Variants in PLA2G5 observed in about 807,000 individuals in gnomAD.
The protein encoded by PLA2G5 is Ca2+-dependent phospholipase A2.
Under a neutral mutation model 15.9 loss-of-function variants are expected in PLA2G5, and 12 were observed. That is an observed-to-expected ratio of 0.76 (90% CI 0.48 to 1.23). The LOEUF (loss-of-function observed/expected upper bound fraction) is 1.23, where lower values mean the gene tolerates loss of function less well. Ranked by LOEUF, PLA2G5 falls within the 50% of genes most tolerant of loss-of-function variation. The probability of loss-of-function intolerance (pLI) is 0.00; values close to 1 mark genes in which losing one functional copy is unlikely to be tolerated. For synonymous variants in PLA2G5, 71 were observed against 71.4 expected (o/e 0.99, Z 0.03); for missense variants, 169 against 177.1 (o/e 0.95, Z 0.26).
At chr1:20,045,267 A>G (rs1031169717) in intron 1 of PLA2G5, among the ~76,000 whole-genome samples, 1 of 152,074 alleles carries the variant, frequency 6.6e-6, no homozygotes, top group African/African-American at 2.4e-5. Context: ...GAGAAAAGAG[A>G]GGGTAGAGAC....
At chr1:20,030,305 T>C (rs1243376938) in intron 1 of PLA2G5, among the ~76,000 whole-genome samples, 3 of 151,920 alleles carry the variant, frequency 2.0e-5, no homozygotes, top group African/African-American at 7.3e-5. Context: ...CAAAGGTCTC[T>C]GTGTCATAAA....
Position 20,089,874 on chromosome 1 carries a change from G to T in PLA2G5, c.271G>T (p.Ala91Ser), listed in dbSNP as rs2016481023. 1.2e-5 allele frequency: 20 copies of T among 1,613,444 alleles called. No homozygotes were observed. Among genetic ancestry groups the T allele is most frequent in the South Asian group, 2.2e-5 (2 of 91,028 alleles). Residue 91 changes from alanine (A) to serine (S), a missense_variant, in exon 4 of 5, where the codon GCG becomes TCG. By Grantham distance (99) the Ala-to-Ser change is moderately conservative. Coordinates refer to ENST00000375108, the MANE Select transcript of PLA2G5 (RefSeq NM_000929.3). ...CACACAGTCCTACAAATACAGATTCGCGTGGGGCGTGGTCACCTGCGGTAA... is the reference window on the plus strand; with the variant it reads ...CACACAGTCCTACAAATACAGATTCTCGTGGGGCGTGGTCACCTGCGGTAA... ...IRTQSYKYRF[A>S]WGVVTCEPGP...
At chr1:20,087,300 G>A (rs761524462) in intron 3 of PLA2G5, among the ~76,000 whole-genome samples, 22 of 152,204 alleles carry the variant, frequency 1.4e-4, no homozygotes, top group Non-Finnish European at 1.2e-4. Flanking sequence ...GTCATCCCTC[G>A]GACTGGTTCC....
At chr1:20,032,333 G>A (rs1379657885) in intron 1 of PLA2G5, among the ~76,000 whole-genome samples, 2 of 151,958 alleles carry the variant, frequency 1.3e-5, no homozygotes, top group Non-Finnish European at 2.9e-5. Flanking sequence ...ACAGAGAATA[G>A]AAGTGACAGT....
intron 1 of PLA2G5, among the ~76,000 whole-genome samples, chr1:20,053,574 G>GC (rs898814667): frequency 7.0e-6 from 1 of 143,366 alleles, no homozygotes; most frequent in East Asian, 2.3e-4. Flanking sequence ...ACTTTGCGGG[G>GC]GGGGGGGTGA....
chr1:20,090,424 A>G, intron 4 of PLA2G5, 144 bp from the exon 5 acceptor site: 1 of 806,888 alleles, frequency 1.2e-6, no homozygotes, highest in Non-Finnish European at 2.1e-6. Context: ...TGCCCCTTCC[A>G]TCAGATTCTC....
At position 20,047,709 on chromosome 1, in the gene PLA2G5, A is replaced by G. The variant is rs950874281; in HGVS notation, n.277-11923A>G. ...TGGCTAAAGTTCTGAAGTAAAAGCT[A>G]TAGGATCTTTGTGTGTGTGTGTGTG... On this transcript the variant is annotated intron_variant and non_coding_transcript_variant, in intron 1 of 6. Transcript: ENST00000460175. Among the ~76,000 whole-genome samples the G allele has an allele frequency of 4.2e-5, 6 of 143,598 alleles. No homozygotes were observed. The South Asian group carries it at 1.4e-3, about 33-fold the overall frequency. The allele number at this position is 143,598 out of a possible 152,430, so 94.2% of individuals were successfully genotyped here.
chr1:20,049,909 T>C (rs2014099091), intron 1 of PLA2G5, among the ~76,000 whole-genome samples: 1 of 152,218 alleles, frequency 6.6e-6, no homozygotes, highest in Non-Finnish European at 1.5e-5. Flanking sequence ...TATTTTCAGC[T>C]CACATAAGTT....
chr1:20,086,041 G>A, intron 2 of PLA2G5, 42 bp from the exon 3 acceptor site: 1 of 1,610,752 alleles, frequency 6.2e-7, no homozygotes, highest in Non-Finnish European at 8.5e-7. Context: ...AAGCAGGGCT[G>A]GGCTGCCTGG....
At chr1:20,076,106 C>T (rs574133420) in intron 1 of PLA2G5, among the ~76,000 whole-genome samples, 1 of 152,234 alleles carries the variant, frequency 6.6e-6, no homozygotes, top group East Asian at 1.9e-4. Context: ...CTCCTGACCT[C>T]AATTCGGGCC....
At chr1:20,083,232 G>A (rs531937542) in intron 1 of PLA2G5, among the ~76,000 whole-genome samples, 7 of 151,940 alleles carry the variant, frequency 4.6e-5, no homozygotes, top group Non-Finnish European at 1.0e-4. Flanking sequence ...GTTGCTGCTG[G>A]ACAAGGGTTG....
At chr1:20,065,119 G>A (rs2014951842) in intron 2 of PLA2G5, among the ~76,000 whole-genome samples, 1 of 152,166 alleles carries the variant, frequency 6.6e-6, no homozygotes, top group Non-Finnish European at 1.5e-5. Context: ...TAAATTAGTA[G>A]ATGGTTCTTT....
chr1:20,044,687 G>A (rs2013799533), intron 1 of PLA2G5, among the ~76,000 whole-genome samples: 1 of 152,114 alleles, frequency 6.6e-6, no homozygotes, highest in Non-Finnish European at 1.5e-5. Flanking sequence ...GCTAGTCACG[G>A]AATGAAACTG....
At chr1:20,040,561 C>T (rs1264039242) in intron 1 of PLA2G5, among the ~76,000 whole-genome samples, 2 of 138,986 alleles carry the variant, frequency 1.4e-5, no homozygotes, top group African/African-American at 5.4e-5. Context: ...GATGTCATTG[C>T]TTCAAAGCTG....
intron 2 of PLA2G5, among the ~76,000 whole-genome samples, chr1:20,059,983 C>A (rs1201160220): frequency 6.6e-6 from 1 of 152,072 alleles, no homozygotes; most frequent in Non-Finnish European, 1.5e-5. Context: ...TTTTCCAGCA[C>A]CCCCAAGGAT....
intron 1 of PLA2G5, among the ~76,000 whole-genome samples, chr1:20,043,687 TAA>T (rs1435907112): frequency 6.6e-6 from 1 of 152,026 alleles, no homozygotes; most frequent in East Asian, 1.9e-4. Context: ...TAGGGATAAC[TAA>T]AAAAGAGTGC....
chr1:20,078,047 C>T (rs1268265955), intron 1 of PLA2G5, among the ~76,000 whole-genome samples: 1 of 152,004 alleles, frequency 6.6e-6, no homozygotes, highest in African/African-American at 2.4e-5. Context: ...ATTTGGGGGG[C>T]CAGCAGAGAT....
intron 1 of PLA2G5, among the ~76,000 whole-genome samples, chr1:20,055,652 C>T (rs2014395968): frequency 6.6e-6 from 1 of 152,154 alleles, no homozygotes; most frequent in South Asian, 2.1e-4. Context: ...CCCTGTAGAT[C>T]CAACTTGTCC....
intron 1 of PLA2G5, among the ~76,000 whole-genome samples, chr1:20,040,487 C>T (rs2013527513): frequency 6.6e-6 from 1 of 151,906 alleles, no homozygotes; most frequent in South Asian, 2.1e-4. Context: ...TTTTCTTTTT[C>T]CTTTTTCTCA....
Sources: gnomAD v4.1 joint callset for allele counts (sites outside exome capture counted in the v4.1 genomes callset) on GRCh38, gnomAD v4.1.1 for gene constraint, MANE v1.5 for transcripts, NCBI Gene and HGNC (gene_info 2026-07-23, HGNC 2026-07-21) for gene names.